PLOD2: variants seen among roughly 807,000 people sequenced by gnomAD.
PLOD2 encodes procollagen-lysine,2-oxoglutarate 5-dioxygenase 2.
A neutral mutation model predicts 101.0 loss-of-function variants in PLOD2; 65 were observed. The observed-to-expected ratio is 0.64, with a 90% CI of 0.53 to 0.79. The LOEUF (loss-of-function observed/expected upper bound fraction) is 0.79. PLOD2 is among the 30% of genes least tolerant of loss of function. PLOD2 has a pLI of 0.00. For missense variants in PLOD2, 909 were observed against 914.6 expected (o/e 0.99, Z 0.08); for synonymous variants, 314 against 302.9 (o/e 1.04, Z -0.38).
At chr3:146,149,541 A>T (rs959155885) in intron 1 of PLOD2, among the ~76,000 whole-genome samples, 1 of 152,184 alleles carries the variant, frequency 6.6e-6, no homozygotes, top group African/African-American at 2.4e-5. Flanking sequence ...CCGGTTTTTT[A>T]GGATATTTAC....
At chr3:146,152,614 T>C (rs2032112918) in intron 1 of PLOD2, among the ~76,000 whole-genome samples, 1 of 151,910 alleles carries the variant, frequency 6.6e-6, no homozygotes, top group African/African-American at 2.4e-5. Flanking sequence ...TAGGAAGAAG[T>C]GAGGAATGAG....
In PLOD2 at chr3:146,071,698, T is replaced by C. The variant is rs572347410; in HGVS notation, c.1849-275A>G. On this transcript the variant is annotated intron_variant, in intron 17 of 19. Coordinates refer to ENST00000282903, the MANE Select transcript of PLOD2 (RefSeq NM_182943.3). ...AAGTTTAGCTATAAAGTAAATAAAA[T>C]TGACTTCCTAAGCCCTCACATCCTT... is the stretch of plus-strand genomic sequence containing the variant. 3.7e-4 allele frequency among the ~76,000 whole-genome samples: 56 copies of C among 151,868 alleles called. 1 individual carries two copies. The highest frequency in any genetic ancestry group is 1.9e-3 in the South Asian group (9 of 4,828).
chr3:146,115,864 C>T (rs575770259), intron 3 of PLOD2, among the ~76,000 whole-genome samples: 2 of 152,250 alleles, frequency 1.3e-5, no homozygotes, highest in East Asian at 1.9e-4. Flanking sequence ...AAAGCCACCA[C>T]AGACAATATG....
At chr3:146,104,470 C>A in intron 5 of PLOD2, 128 bp from the exon 6 acceptor site, 4 of 625,010 alleles carry the variant, frequency 6.4e-6, no homozygotes, top group Admixed American at 2.8e-5. Context: ...AGTGTCTAAT[C>A]AAAATATTTA....
chr3:146,101,446 C>T (rs1051369137), intron 7 of PLOD2, among the ~76,000 whole-genome samples: 4 of 152,020 alleles, frequency 2.6e-5, no homozygotes, highest in Admixed American at 2.0e-4. Flanking sequence ...AGCAGAGCAT[C>T]GTGGAAGCAA....
At chr3:146,111,949 C>T (rs1038251827) in intron 3 of PLOD2, among the ~76,000 whole-genome samples, 4 of 152,034 alleles carry the variant, frequency 2.6e-5, no homozygotes, top group African/African-American at 4.8e-5. Flanking sequence ...AGAGCGACTA[C>T]CATGCGAGTG....
chr3:146,108,794 T>C (rs2108066300), intron 4 of PLOD2, among the ~76,000 whole-genome samples: 1 of 152,324 alleles, frequency 6.6e-6, no homozygotes, highest in African/African-American at 2.4e-5. Context: ...CATACATCAC[T>C]ATTTGAAATA....
chr3:146,140,934 T>C (rs534796043), intron 1 of PLOD2, among the ~76,000 whole-genome samples: 10 of 152,174 alleles, frequency 6.6e-5, no homozygotes. Flanking sequence ...TGATCTTTAA[T>C]TTCCTGGTCT....
chr3:146,082,191 TA>T (rs1936567974), intron 11 of PLOD2, among the ~76,000 whole-genome samples: 1 of 152,188 alleles, frequency 6.6e-6, no homozygotes, highest in Admixed American at 6.5e-5. Context: ...GTTATTTAAT[TA>T]TATTTAAGTT....
chr3:146,149,956 A>G (rs1406202876), intron 1 of PLOD2, among the ~76,000 whole-genome samples: 1 of 152,174 alleles, frequency 6.6e-6, no homozygotes, highest in Non-Finnish European at 1.5e-5. Flanking sequence ...GCACACCACC[A>G]TCTTCTCCAA....
At chr3:146,143,610 C>A (rs1027248023) in intron 1 of PLOD2, among the ~76,000 whole-genome samples, 5 of 151,964 alleles carry the variant, frequency 3.3e-5, no homozygotes, top group African/African-American at 1.2e-4. Flanking sequence ...TTTCTACTGG[C>A]CGGAATGATA....
intron 7 of PLOD2, among the ~76,000 whole-genome samples, chr3:146,102,249 C>T (rs958075332): frequency 2.0e-5 from 3 of 152,092 alleles, no homozygotes; most frequent in African/African-American, 7.2e-5. Context: ...TTAGCAAGCT[C>T]AATTATACAC....
chr3:146,160,273 G>A (rs1576637324), intron 1 of PLOD2, among the ~76,000 whole-genome samples: 2 of 152,224 alleles, frequency 1.3e-5, no homozygotes, highest in Non-Finnish European at 2.9e-5. Context: ...CAAGAAAAGG[G>A]TAGGTAAGGG....
chr3:146,076,974 G>A, intron 14 of PLOD2, 79 bp from the exon 15 acceptor site: 1 of 1,230,706 alleles, frequency 8.1e-7, no homozygotes, highest in South Asian at 1.5e-5. Context: ...ATATATAGAA[G>A]ATATTAATTT....
intron 6 of PLOD2, 143 bp from the exon 7 acceptor site, chr3:146,102,995 T>C (rs950453967): frequency 1.0e-5 from 6 of 601,044 alleles, no homozygotes; most frequent in Non-Finnish European, 1.8e-5. Context: ...ACAACACTTC[T>C]AGTAACTTCA....
At chr3:146,075,487 T>TA (rs35706246) in intron 15 of PLOD2, among the ~76,000 whole-genome samples, 32,025 of 93,588 alleles carry the variant, frequency 0.34, 5,398 homozygotes, top group South Asian at 0.4. Context: ...CTCAAATCTG[T>TA]AAAAAAAAAA....
At chr3:146,093,454 CAG>C (rs994055968) in intron 7 of PLOD2, among the ~76,000 whole-genome samples, 8 of 152,066 alleles carry the variant, frequency 5.3e-5, no homozygotes, top group Admixed American at 5.2e-4. Context: ...ATAATAAAAA[CAG>C]AAATAAATAT....
chr3:146,120,319 G>A (rs1298253061), intron 3 of PLOD2, among the ~76,000 whole-genome samples: 1 of 151,980 alleles, frequency 6.6e-6, no homozygotes, highest in African/African-American at 2.4e-5. Context: ...ATTTGTTTGA[G>A]TTCATTGTAG....
intron 7 of PLOD2, among the ~76,000 whole-genome samples, chr3:146,093,853 T>TAA (rs1338271951): frequency 6.6e-6 from 1 of 152,232 alleles, no homozygotes; most frequent in Non-Finnish European, 1.5e-5. Flanking sequence ...ACAGCACTTT[T>TAA]AGTTTTCGGA....
Sources: allele counts gnomAD v4.1 joint callset (sites outside exome capture counted in the v4.1 genomes callset), GRCh38; gene constraint gnomAD v4.1.1; transcripts MANE v1.5; gene names NCBI Gene and HGNC (gene_info 2026-07-23, HGNC 2026-07-21).